SOX5: variants seen among roughly 807,000 people sequenced by gnomAD.
SOX5 encodes transcription factor SOX-5.
Under a neutral mutation model 92.0 loss-of-function variants are expected in SOX5, and 9 were observed. That is an observed-to-expected ratio of 0.10 (90% CI 0.06 to 0.17). The LOEUF is 0.17. SOX5 is among the 10% of genes least tolerant of loss of function. The pLI is 1.00. For synonymous variants in SOX5, 344 were observed against 336.3 expected (o/e 1.02, Z -0.25); for missense variants, 642 against 944.5 (o/e 0.68, Z 4.20).
intron 1 of SOX5, among the ~76,000 whole-genome samples, chr12:24,548,176 C>G (rs1418102456): frequency 1.3e-5 from 2 of 152,094 alleles, no homozygotes; most frequent in Admixed American, 6.5e-5. Context: ...AGGGAAAATC[C>G]AAAATAGCAG....
At chr12:24,004,476 A>G (rs1569466358) in intron 4 of SOX5, among the ~76,000 whole-genome samples, 1 of 152,116 alleles carries the variant, frequency 6.6e-6, no homozygotes, top group African/African-American at 2.4e-5. Flanking sequence ...CATTTCATCA[A>G]AGAAGATGCA....
chr12:24,074,630 C>CAAAAAAAAAAAAAAA lies in SOX5; in HGVS notation c.-2+138698_-2+138712dup, dbSNP rs76320418. Among the ~76,000 whole-genome samples, 116 of 51,268 alleles carry CAAAAAAAAAAAAAAA rather than the reference C, an allele frequency of 2.3e-3. 9 individuals are homozygous for CAAAAAAAAAAAAAAA. Among genetic ancestry groups the CAAAAAAAAAAAAAAA allele is most frequent in the Non-Finnish European group, 3.0e-3 (85 of 28,718 alleles). 33.6% of individuals were successfully genotyped at this position (51,268 alleles called of 152,430 possible). A position where few individuals can be genotyped will look rare whatever the true frequency, so the allele number is the denominator to read the frequency against. On this transcript the variant is annotated intron_variant, in intron 4 of 4. Transcript: ENST00000446891. ...CTTAGTGTTTATTTCTGTAAACTAC[C>CAAAAAAAAAAAAAAA]AAAAAAAAAAAAAAAAAAAAAAAGC...
intron 2 of SOX5, among the ~76,000 whole-genome samples, chr12:23,872,969 G>A (rs905387265): frequency 6.6e-5 from 10 of 152,088 alleles, no homozygotes; most frequent in Non-Finnish European, 1.3e-4. Flanking sequence ...CTCTAATTGC[G>A]TCGTCAAAAT....
chr12:24,049,960 A>G (rs774279812), intron 4 of SOX5, among the ~76,000 whole-genome samples: 4 of 151,888 alleles, frequency 2.6e-5, no homozygotes, highest in Admixed American at 1.3e-4. Context: ...TTTTTCTACT[A>G]TCTGCTGGAT....
intron 4 of SOX5, among the ~76,000 whole-genome samples, chr12:23,751,027 T>A (rs1267573611): frequency 6.6e-6 from 1 of 151,932 alleles, no homozygotes; most frequent in Admixed American, 6.6e-5. Context: ...CTTTCTTTAG[T>A]TCTTGTGAAA....
At chr12:24,329,159 C>T (rs1191242078) in intron 2 of SOX5, among the ~76,000 whole-genome samples, 1 of 151,974 alleles carries the variant, frequency 6.6e-6, no homozygotes, top group Non-Finnish European at 1.5e-5. Context: ...AAGAGGTTTC[C>T]CATCTTTTTA....
At chr12:24,350,878 C>T (rs1034651567) in intron 2 of SOX5, among the ~76,000 whole-genome samples, 1 of 152,058 alleles carries the variant, frequency 6.6e-6, no homozygotes, top group African/African-American at 2.4e-5. Context: ...CATGACGAAA[C>T]CCTGTCCCTA....
At chr12:23,695,989 CAAAA>C (rs1194011891) in intron 6 of SOX5, among the ~76,000 whole-genome samples, 4 of 73,132 alleles carry the variant, frequency 5.5e-5, no homozygotes, top group African/African-American at 2.0e-4. Context: ...AAAAACAAAA[CAAAA>C]AAACAAAAAA....
intron 6 of SOX5, among the ~76,000 whole-genome samples, chr12:23,692,979 C>A (rs1451296103): frequency 1.3e-5 from 2 of 152,112 alleles, no homozygotes; most frequent in African/African-American, 4.8e-5. Context: ...ATCAATATAA[C>A]TCCTTAGCTT....
intron 11 of SOX5, among the ~76,000 whole-genome samples, chr12:23,555,579 T>C (rs1945018562): frequency 6.6e-6 from 1 of 151,878 alleles, no homozygotes; most frequent in South Asian, 2.1e-4. Context: ...AGTGGCACTG[T>C]GACAAATGTA....
At chr12:24,344,112 G>A (rs141265723) in intron 2 of SOX5, among the ~76,000 whole-genome samples, 12 of 151,802 alleles carry the variant, frequency 7.9e-5, no homozygotes, top group African/African-American at 2.2e-4. Context: ...GTGAAACCCC[G>A]TCTCTACTAA....
At chr12:23,878,544 A>G (rs1171892179) in intron 2 of SOX5, among the ~76,000 whole-genome samples, 1 of 152,172 alleles carries the variant, frequency 6.6e-6, no homozygotes, top group Middle Eastern at 3.4e-3. Flanking sequence ...GTGGATGCCT[A>G]TTACATTTTT....
chr12:24,053,612 G>GT (rs1267106218), intron 4 of SOX5, among the ~76,000 whole-genome samples: 2 of 152,140 alleles, frequency 1.3e-5, no homozygotes, highest in African/African-American at 4.8e-5. Context: ...CATGAAAAGA[G>GT]TAAGTGAATT....
chr12:23,980,008 G>A (rs1011983975), intron 4 of SOX5, among the ~76,000 whole-genome samples: 19 of 151,226 alleles, frequency 1.3e-4, no homozygotes, highest in Admixed American at 3.3e-4. Context: ...ACAGAATCTC[G>A]CTATATTGCC....
chr12:23,928,044 C>T (rs1397026706), intron 1 of SOX5, among the ~76,000 whole-genome samples: 1 of 152,036 alleles, frequency 6.6e-6, no homozygotes, highest in African/African-American at 2.4e-5. Context: ...GATTAACAGT[C>T]ATGGAGCTCC....
chr12:24,006,951 T>C (rs1952254674), intron 4 of SOX5, among the ~76,000 whole-genome samples: 2 of 151,202 alleles, frequency 1.3e-5, no homozygotes, highest in South Asian at 2.1e-4. Flanking sequence ...CTGGCCAACA[T>C]GGTGAAACCC....
At chr12:24,039,657 T>C (rs1956343907) in intron 4 of SOX5, among the ~76,000 whole-genome samples, 1 of 152,202 alleles carries the variant, frequency 6.6e-6, no homozygotes, top group Non-Finnish European at 1.5e-5. Flanking sequence ...GGTAGAATAA[T>C]TCTCAGCATT....
intron 1 of SOX5, among the ~76,000 whole-genome samples, chr12:23,945,444 C>T (rs952773420): frequency 1.3e-5 from 2 of 152,048 alleles, no homozygotes; most frequent in African/African-American, 4.8e-5. Flanking sequence ...GACATTTAAC[C>T]CTTAATTGTT....
At chr12:23,654,357 T>C (rs769407553) in intron 7 of SOX5, among the ~76,000 whole-genome samples, 30 of 152,236 alleles carry the variant, frequency 2.0e-4, no homozygotes, top group Admixed American at 2.6e-4. Context: ...TTAAGTAATA[T>C]GCACTTCCAA....
Sources: allele counts gnomAD v4.1 joint callset (sites outside exome capture counted in the v4.1 genomes callset), GRCh38; gene constraint gnomAD v4.1.1; transcripts MANE v1.5; gene names NCBI Gene and HGNC (gene_info 2026-07-23, HGNC 2026-07-21).